MAEA: variants seen among roughly 807,000 people sequenced by gnomAD.
MAEA encodes the protein macrophage erythroblast attacher, E3 ubiquitin ligase.
MAEA carries 22 observed loss-of-function variants against 46.2 expected under a neutral mutation model. The ratio of observed to expected loss-of-function variants is 0.48; its 90% confidence interval spans 0.34 to 0.68. The LOEUF (loss-of-function observed/expected upper bound fraction) is 0.68, where lower values mean the gene tolerates loss of function less well. Among genes scored for constraint, MAEA ranks in the 30% least tolerant of loss-of-function variants. The pLI, the probability that MAEA is intolerant of heterozygous loss-of-function variation, is 0.01. For missense variants in MAEA, 393 were observed against 558.1 expected (o/e 0.70, Z 2.98); for synonymous variants, 246 against 222.6 (o/e 1.11, Z -0.94).
At chr4:1,330,084 G>C (rs1739344948) in intron 5 of MAEA, 1 of 985,514 alleles carries the variant, frequency 1.0e-6, no homozygotes, top group Non-Finnish European at 1.2e-6. Flanking sequence ...GCTCCGCCCT[G>C]CCTGGGGCAT....
chr4:1,330,187 C>T, intron 5 of MAEA: 2 of 976,048 alleles, frequency 2.0e-6, no homozygotes, highest in South Asian at 4.7e-5. Flanking sequence ...GAATCCCTGA[C>T]CCCAGGCGGC....
chr4:1,325,452 A>C lies in MAEA; in HGVS notation c.580-2175A>C, dbSNP rs1015256867. 1.5e-4 allele frequency among the ~76,000 whole-genome samples: 23 copies of C among 152,292 alleles called. No individual in the cohort carries two copies. In the East Asian group the frequency reaches 4.3e-3, roughly 28 times the overall value. On this transcript the variant is annotated intron_variant, in intron 4 of 8. Transcript: ENST00000303400. The stretch of plus-strand genomic sequence containing the variant: ...TACCTAAGTTTCACGACATAGACAC[A>C]CTTACATATTAGTGGACCAATTGAA...
At chr4:1,325,132 G>C (rs1738641589) in intron 4 of MAEA, among the ~76,000 whole-genome samples, 1 of 152,186 alleles carries the variant, frequency 6.6e-6, no homozygotes, top group Non-Finnish European at 1.5e-5. Context: ...GGTGTGTGGG[G>C]AGGCAAGGAG....
At chr4:1,312,270 C>T (rs548865787) in intron 2 of MAEA, 109 bp downstream of exon 2, 168 of 1,371,030 alleles carry the variant, frequency 1.2e-4, no homozygotes, top group East Asian at 5.3e-4. Context: ...GCGGGAGGTG[C>T]GGTTGGGGGC....
intron 1 of MAEA, among the ~76,000 whole-genome samples, chr4:1,298,821 C>G (rs1475660560): frequency 6.6e-6 from 1 of 152,160 alleles, no homozygotes; most frequent in African/African-American, 2.4e-5. Context: ...GCCCTGTATC[C>G]AGTAGCCTGT....
At chr4:1,307,043 C>G (rs984977790) in intron 1 of MAEA, among the ~76,000 whole-genome samples, 87 of 152,334 alleles carry the variant, frequency 5.7e-4, no homozygotes, top group African/African-American at 2.0e-3. Flanking sequence ...TAGACCAGTG[C>G]TGTACTGGCT....
chr4:1,322,573 C>G, intron 4 of MAEA, 70 bp downstream of exon 4: 3 of 1,583,844 alleles, frequency 1.9e-6, no homozygotes, highest in Non-Finnish European at 2.6e-6. Context: ...CTGGAGCCAG[C>G]ACCCCCTTGC....
In MAEA at chr4:1,337,002, A is replaced by G; in HGVS notation, c.899+8A>G. The G allele has an allele frequency of 6.2e-7, 1 of 1,613,122 alleles. No individual in the cohort carries two copies. Among genetic ancestry groups the G allele is most frequent in the Non-Finnish European group, 8.5e-7 (1 of 1,179,776 alleles). ...CTCAGCCATCAAGACACCGTATCCTACCTCCCGTGCGCAGTGCGGTTTGGC... is the reference window on the plus strand; with the variant it reads ...CTCAGCCATCAAGACACCGTATCCTGCCTCCCGTGCGCAGTGCGGTTTGGC... On this transcript the variant is annotated splice_region_variant and intron_variant, in intron 7 of 8. Transcript: ENST00000303400.
rs114333078 is a variant in MAEA, at chr4:1,334,785, C to T, written c.765+1920C>T. On this transcript the variant is annotated intron_variant, in intron 6 of 8. Transcript: ENST00000303400. ...TTGTTCAGAGAATGGCAGAAGCCACCAGAAGCCCAGAGGCAACCAGTCCTG... is the reference window on the plus strand; with the variant it reads ...TTGTTCAGAGAATGGCAGAAGCCACTAGAAGCCCAGAGGCAACCAGTCCTG... 2,934 of 790,886 alleles carry T rather than the reference C, an allele frequency of 3.7e-3. 83 individuals are homozygous for T. In the African/African-American group the frequency reaches 0.05, roughly 14 times the overall value. 49.0% of individuals were successfully genotyped at this position (790,886 alleles called of 1,614,324 possible). A position where few individuals can be genotyped will look rare whatever the true frequency, so the allele number is the denominator to read the frequency against.
chr4:1,329,558 C>T (rs867784601), intron 5 of MAEA: 163 of 985,150 alleles, frequency 1.7e-4, no homozygotes, highest in South Asian at 1.9e-4. Flanking sequence ...CCCAGTGTCT[C>T]GGGGGCAGGC....
intron 1 of MAEA, among the ~76,000 whole-genome samples, chr4:1,300,676 T>A (rs56887292): frequency 0.15 from 23,466 of 152,266 alleles, 3,484 homozygotes; most frequent in East Asian, 0.42. Context: ...CCAGTGGCTT[T>A]AAAAGGTTCC....
At chr4:1,326,975 A>G (rs1738921787) in intron 4 of MAEA, among the ~76,000 whole-genome samples, 1 of 151,842 alleles carries the variant, frequency 6.6e-6, no homozygotes, top group Non-Finnish European at 1.5e-5. Flanking sequence ...GCAACCCCAC[A>G]TGTGGTCCCT....
intron 1 of MAEA, among the ~76,000 whole-genome samples, chr4:1,308,375 T>C (rs186188691): frequency 6.6e-6 from 1 of 152,306 alleles, no homozygotes; most frequent in East Asian, 1.9e-4. Context: ...GTGATGGACA[T>C]GTGGGTGGCT....
intron 2 of MAEA, among the ~76,000 whole-genome samples, chr4:1,313,371 T>A (rs1736751803): frequency 6.6e-6 from 1 of 152,034 alleles, no homozygotes; most frequent in Non-Finnish European, 1.5e-5. Context: ...CAGCAGGCAG[T>A]AGACAGAGGG....
chr4:1,315,921 T>C (rs1240564951), intron 3 of MAEA, among the ~76,000 whole-genome samples: 1 of 126,090 alleles, frequency 7.9e-6, no homozygotes, highest in African/African-American at 3.0e-5. Flanking sequence ...CGTGTGTGTG[T>C]CTGCGCTGTG....
At chr4:1,334,823 G>A (rs548250931) in intron 6 of MAEA, 1 of 973,568 alleles carries the variant, frequency 1.0e-6, no homozygotes, top group East Asian at 1.1e-4. Flanking sequence ...GAGTGAGGAT[G>A]CCAGGAGCTG....
intron 3 of MAEA, among the ~76,000 whole-genome samples, chr4:1,317,715 G>C (rs1460525939): frequency 6.6e-6 from 1 of 152,220 alleles, no homozygotes; most frequent in Non-Finnish European, 1.5e-5. Flanking sequence ...CGGTTCACAA[G>C]CGTGAATGTG....
intron 1 of MAEA, among the ~76,000 whole-genome samples, chr4:1,302,817 A>G (rs1735452116): frequency 6.6e-6 from 1 of 152,186 alleles, no homozygotes; most frequent in African/African-American, 2.4e-5. Context: ...AATTTTAGCA[A>G]ACTTCTGCAA....
rs187431394 is a variant in MAEA at position 1,332,596 on chromosome 4, G to T, written c.657-161G>T. On this transcript the variant is annotated intron_variant, in intron 5 of 8. Coordinates refer to ENST00000303400, the MANE Select transcript of MAEA (RefSeq NM_001017405.3). ...GCTAGGTGTGGTGCTGCACATCTGC[G>T]GTCTCAGCTTCTCGGGAAGATCGCC... 247 of 569,654 alleles carry T rather than the reference G, an allele frequency of 4.3e-4. 3 individuals are homozygous for T. In the East Asian group the frequency reaches 5.5e-3, roughly 13 times the overall value. The allele number at this position is 569,654 out of a possible 1,614,324, so 35.3% of individuals were successfully genotyped here.
Sources: gnomAD v4.1 joint callset for allele counts (sites outside exome capture counted in the v4.1 genomes callset) on GRCh38, gnomAD v4.1.1 for gene constraint, MANE v1.5 for transcripts, NCBI Gene and HGNC (gene_info 2026-07-23, HGNC 2026-07-21) for gene names.